Variants in CDH18 observed in about 807,000 individuals in gnomAD.
The protein encoded by CDH18 is cadherin-18.
CDH18 carries 31 observed loss-of-function variants against 67.9 expected under a neutral mutation model. The observed-to-expected ratio is 0.46, with a 90% CI of 0.34 to 0.62. The LOEUF (loss-of-function observed/expected upper bound fraction) is 0.62. Among genes scored for constraint, CDH18 ranks in the 20% least tolerant of loss-of-function variants. The pLI is 0.01. For synonymous variants in CDH18, 362 were observed against 347.2 expected, an observed-to-expected ratio of 1.04 and a Z score of -0.48; for missense variants, 890 against 975.5, an observed-to-expected ratio of 0.91 and a Z score of 1.17.
intron 2 of CDH18, among the ~76,000 whole-genome samples, chr5:20,136,780 C>A (rs1177778213): frequency 6.6e-6 from 1 of 152,192 alleles, no homozygotes; most frequent in African/African-American, 2.4e-5. Context: ...GTAAGGCAGG[C>A]CTGGTGGTGA....
At chr5:19,977,707 C>A (rs1378832775) in intron 2 of CDH18, among the ~76,000 whole-genome samples, 2 of 118,152 alleles carry the variant, frequency 1.7e-5, no homozygotes, top group Admixed American at 1.7e-4. Context: ...TTTTTTTATA[C>A]CCTTGAAATT....
intron 4 of CDH18, among the ~76,000 whole-genome samples, chr5:19,742,856 C>T (rs1028594213): frequency 7.2e-5 from 11 of 151,802 alleles, no homozygotes; most frequent in African/African-American, 2.4e-4. Context: ...TTTATCAGGC[C>T]CCATACGTTG....
At chr5:20,304,961 T>C in intron 1 of CDH18, 8 of 1,613,918 alleles carry the variant, frequency 5.0e-6, no homozygotes, top group Non-Finnish European at 6.8e-6. Context: ...ACGGAGCAGT[T>C]CAAGGCGGCC....
At chr5:20,307,252 A>C (rs1311987225) in intron 1 of CDH18, among the ~76,000 whole-genome samples, 1 of 152,142 alleles carries the variant, frequency 6.6e-6, no homozygotes, top group Non-Finnish European at 1.5e-5. Context: ...TCATTGAGGA[A>C]ATTTTGGCAG....
At chr5:19,873,246 G>A (rs1786528737) in intron 2 of CDH18, among the ~76,000 whole-genome samples, 2 of 149,178 alleles carry the variant, frequency 1.3e-5, no homozygotes, top group South Asian at 2.1e-4. Context: ...TCAAGAACAA[G>A]AGAAAGCATG....
intron 5 of CDH18, among the ~76,000 whole-genome samples, chr5:19,720,567 TTTGGA>T (rs1284273227): frequency 6.6e-6 from 1 of 152,164 alleles, no homozygotes; most frequent in Non-Finnish European, 1.5e-5. Context: ...TTTTATGGTT[TTTGGA>T]TTCCGCTGCT....
intron 2 of CDH18, among the ~76,000 whole-genome samples, chr5:20,068,347 A>C (rs973824851): frequency 2.0e-5 from 3 of 152,138 alleles, no homozygotes; most frequent in African/African-American, 7.2e-5. Flanking sequence ...AAACAATACT[A>C]CATCATTGGT....
At chr5:19,519,654 A>G (rs1478656204) in intron 10 of CDH18, among the ~76,000 whole-genome samples, 1 of 152,146 alleles carries the variant, frequency 6.6e-6, no homozygotes, top group South Asian at 2.1e-4. Context: ...ACTTGATTAC[A>G]TTACATTATA....
chr5:19,824,368 G>A (rs1353542546), intron 3 of CDH18, among the ~76,000 whole-genome samples: 1 of 152,130 alleles, frequency 6.6e-6, no homozygotes, highest in Non-Finnish European at 1.5e-5. Context: ...GCTCACCATG[G>A]AGACAGGAGA....
At chr5:19,528,524 T>A (rs887311910) in intron 9 of CDH18, among the ~76,000 whole-genome samples, 1 of 151,732 alleles carries the variant, frequency 6.6e-6, no homozygotes, top group Non-Finnish European at 1.5e-5. Flanking sequence ...TAAATGTTTG[T>A]ATAAATATAT....
intron 1 of CDH18, among the ~76,000 whole-genome samples, chr5:20,518,653 A>G (rs1039162478): frequency 2.0e-5 from 3 of 152,134 alleles, no homozygotes; most frequent in African/African-American, 7.2e-5. Flanking sequence ...TTCTTTGCCA[A>G]AAGTACACTA....
At chr5:20,077,935 T>TA (rs926267733) in intron 2 of CDH18, among the ~76,000 whole-genome samples, 1 of 152,188 alleles carries the variant, frequency 6.6e-6, no homozygotes, top group African/African-American at 2.4e-5. Flanking sequence ...AAATTAAATT[T>TA]ATTTTTCAAT....
chr5:19,814,900 A>G (rs1459510788), intron 3 of CDH18, among the ~76,000 whole-genome samples: 2 of 151,568 alleles, frequency 1.3e-5, no homozygotes, highest in Non-Finnish European at 3.0e-5. Flanking sequence ...ATAGATTAGT[A>G]TGTTTGTATG....
intron 1 of CDH18, among the ~76,000 whole-genome samples, chr5:20,285,678 T>C (rs1276842471): frequency 6.6e-6 from 1 of 151,448 alleles, no homozygotes; most frequent in Non-Finnish European, 1.5e-5. Flanking sequence ...GTAAATCACA[T>C]GTAACATAAT....
chr5:19,790,975 C>G (rs10473158), intron 3 of CDH18, among the ~76,000 whole-genome samples: 82,611 of 151,670 alleles, frequency 0.54, 22,790 homozygotes, highest in Middle Eastern at 0.67. Flanking sequence ...TGAACACCTG[C>G]TGGATGGAAG....
chr5:20,427,999 A>G (rs964150768), intron 1 of CDH18, among the ~76,000 whole-genome samples: 3 of 150,954 alleles, frequency 2.0e-5, no homozygotes, highest in Admixed American at 6.6e-5. Context: ...ACATAGGTAT[A>G]CAAGTGCCAT....
chr5:19,928,996 C>T (rs1446612328), intron 2 of CDH18, among the ~76,000 whole-genome samples: 4 of 152,010 alleles, frequency 2.6e-5, no homozygotes, highest in Admixed American at 6.6e-5. Context: ...ACATACACAT[C>T]GTTTTCATCC....
chr5:19,825,330 T>C (rs1780294573), intron 3 of CDH18, among the ~76,000 whole-genome samples: 1 of 151,996 alleles, frequency 6.6e-6, no homozygotes, highest in African/African-American at 2.4e-5. Flanking sequence ...CAGCCTCCAG[T>C]TAACCTCAAA....
At chr5:20,110,776 A>T (rs1177619515) in intron 2 of CDH18, among the ~76,000 whole-genome samples, 1 of 152,236 alleles carries the variant, frequency 6.6e-6, no homozygotes, top group Non-Finnish European at 1.5e-5. Context: ...CTTCACACCT[A>T]AAGTAGTGGC....
Sources: allele counts gnomAD v4.1 joint callset (sites outside exome capture counted in the v4.1 genomes callset), GRCh38; gene constraint gnomAD v4.1.1; transcripts MANE v1.5; gene names NCBI Gene and HGNC (gene_info 2026-07-23, HGNC 2026-07-21).